XRN1: variants seen among roughly 807,000 people sequenced by gnomAD.
XRN1 encodes 5'-3' exoribonuclease 1.
In XRN1, 67 loss-of-function variants were observed where a neutral mutation model predicts 222.3. That is an observed-to-expected ratio of 0.30 (90% CI 0.25 to 0.37). The LOEUF (loss-of-function observed/expected upper bound fraction) is 0.37, where lower values mean the gene tolerates loss of function less well. XRN1 is among the 10% of genes least tolerant of loss of function. The pLI is 1.00. For missense variants in XRN1, 1,707 were observed against 2,000.2 expected, an observed-to-expected ratio of 0.85 and a Z score of 2.80; for synonymous variants, 643 against 652.4, an observed-to-expected ratio of 0.99 and a Z score of 0.22.
At chr3:142,412,694 T>C (rs899877648) in intron 14 of XRN1, 31 bp from the exon 15 acceptor site, 1 of 1,424,742 alleles carries the variant, frequency 7.0e-7, no homozygotes, top group Admixed American at 1.9e-5. Flanking sequence ...ATAATAGAAA[T>C]ATAAGAACTA....
intron 39 of XRN1, among the ~76,000 whole-genome samples, chr3:142,314,554 T>C (rs1373608757): frequency 6.6e-6 from 1 of 152,128 alleles, no homozygotes; most frequent in Non-Finnish European, 1.5e-5. Flanking sequence ...ACGGTGATAC[T>C]ATTACATTGA....
At chr3:142,355,545 A>T in intron 31 of XRN1, 49 bp from the exon 32 acceptor site, 1 of 1,174,840 alleles carries the variant, frequency 8.5e-7, no homozygotes, top group Non-Finnish European at 1.2e-6. Flanking sequence ...GGAAGAAATA[A>T]AAATACATAT....
At chr3:142,444,824 T>C (rs115870846) in intron 1 of XRN1, among the ~76,000 whole-genome samples, 7 of 148,938 alleles carry the variant, frequency 4.7e-5, no homozygotes, top group African/African-American at 9.9e-5. Flanking sequence ...CATAAGTATA[T>C]ACACTATGTT....
chr3:142,360,238 T>C (rs2066577747), intron 29 of XRN1, among the ~76,000 whole-genome samples: 1 of 152,204 alleles, frequency 6.6e-6, no homozygotes. Context: ...CTATGAATAA[T>C]ACATAGTATT....
chr3:142,316,214 C>CTTTTTTT (rs377522108), intron 39 of XRN1, among the ~76,000 whole-genome samples: 27 of 111,840 alleles, frequency 2.4e-4, no homozygotes, highest in African/African-American at 7.8e-4. Context: ...TCATTATCTT[C>CTTTTTTT]TTTTTTTTTT....
intron 34 of XRN1, among the ~76,000 whole-genome samples, chr3:142,333,454 C>A (rs1213112915): frequency 1.3e-5 from 2 of 152,030 alleles, no homozygotes; most frequent in African/African-American, 4.8e-5. Flanking sequence ...ATTTTATGTG[C>A]TATTTTCCCT....
chr3:142,370,703 C>T, intron 26 of XRN1, 83 bp from the exon 27 acceptor site: 2 of 1,185,876 alleles, frequency 1.7e-6, no homozygotes, highest in South Asian at 1.8e-5. Context: ...ACTTATATAA[C>T]TAATAATTAG....
At position 142,308,714 on chromosome 3, in the gene XRN1, T is replaced by C. The variant is rs576625610; in HGVS notation, c.*2797A>G. On this transcript the variant is annotated 3_prime_UTR_variant, in exon 41 of 41. Transcript: ENST00000392981. ...AGTTGCTCAAAAAAGAAAAAACTTA[T>C]TGAATAGAAATATTTAGAAATAATG... The C allele has an allele frequency of 6.6e-6, 1 of 152,306 alleles. No homozygotes were observed. Among genetic ancestry groups the C allele is most frequent in the Non-Finnish European group, 1.5e-5 (1 of 68,022 alleles). 9.4% of individuals were successfully genotyped at this position (152,306 alleles called of 1,614,324 possible). A position where few individuals can be genotyped will look rare whatever the true frequency, so the allele number is the denominator to read the frequency against.
In XRN1 at chr3:142,380,176, T is replaced by C. The variant is rs1032469021; in HGVS notation, c.2621A>G (p.Gln874Arg). 6.2e-7 allele frequency: 1 copy of C among 1,613,172 alleles called. No individual in the cohort carries two copies. Among genetic ancestry groups the C allele is most frequent in the Non-Finnish European group, 8.5e-7 (1 of 1,179,606 alleles). ...TTCTGTAATCACATCACCTGAATCCTGAACCTTAGAAGAAAAAAAAATCAC... is the reference window on the plus strand; with the variant it reads ...TTCTGTAATCACATCACCTGAATCCCGAACCTTAGAAGAAAAAAAAATCAC... ...TPYYGCTGEV[Q>R]DSGDVITEGR... The change falls in exon 23 of 41, where the codon CAG (glutamine) becomes CGG (arginine). Residue 874 changes from glutamine (Q) to arginine (R), a missense_variant. By Grantham distance (43) the Gln-to-Arg change is conservative. This residue lies in a region of XRN1 where 1,234 missense variants were observed against 1,518.2 expected (regional missense o/e 0.81). Coordinates refer to ENST00000392981, the MANE Select transcript of XRN1 (RefSeq NM_001282857.2).
chr3:142,377,977 C>T (rs1283375232), intron 23 of XRN1, among the ~76,000 whole-genome samples: 3 of 152,216 alleles, frequency 2.0e-5, no homozygotes, highest in East Asian at 3.9e-4. Context: ...GGATGACTGC[C>T]TTCCATACAT....
At chr3:142,364,965 T>C in intron 29 of XRN1, 82 bp downstream of exon 29, 3 of 1,397,100 alleles carry the variant, frequency 2.1e-6, no homozygotes, top group East Asian at 5.1e-5. Context: ...CACTTTCTGG[T>C]TAGATATAAA....
chr3:142,394,176 A>G (rs1272507871), intron 20 of XRN1, among the ~76,000 whole-genome samples: 2 of 151,998 alleles, frequency 1.3e-5, no homozygotes, highest in African/African-American at 4.8e-5. Flanking sequence ...TTCTCCCTCT[A>G]TCCCACTTAG....
At chr3:142,422,473 G>A in intron 8 of XRN1, 109 bp downstream of exon 8, 6 of 1,175,920 alleles carry the variant, frequency 5.1e-6, no homozygotes, top group South Asian at 4.1e-5. Context: ...AATCCTCAAT[G>A]TTTTTCTGCT....
intron 32 of XRN1, 50 bp from the exon 33 acceptor site, chr3:142,347,392 ACTT>A (rs745836499): frequency 1.6e-4 from 175 of 1,113,568 alleles, no homozygotes; most frequent in South Asian, 3.6e-4. Context: ...TATTATAACT[ACTT>A]CTTATCTTCA....
chr3:142,337,066 TATAG>T (rs779970149), intron 33 of XRN1, among the ~76,000 whole-genome samples: 11 of 152,080 alleles, frequency 7.2e-5, no homozygotes, highest in South Asian at 2.1e-4. Context: ...ACCTATAATA[TATAG>T]ATAAATAAAA....
At chr3:142,379,653 C>T (rs986742036) in intron 23 of XRN1, among the ~76,000 whole-genome samples, 3 of 152,150 alleles carry the variant, frequency 2.0e-5, no homozygotes, top group Admixed American at 6.5e-5. Flanking sequence ...ATGCATTTTT[C>T]CAATATTCTT....
chr3:142,343,120 G>T (rs1218040331), intron 33 of XRN1, among the ~76,000 whole-genome samples: 1 of 152,000 alleles, frequency 6.6e-6, no homozygotes, highest in East Asian at 1.9e-4. Flanking sequence ...CAAAAGCTTC[G>T]AATAGACTTT....
At chr3:142,398,666 C>G (rs2068019047) in intron 19 of XRN1, among the ~76,000 whole-genome samples, 1 of 152,016 alleles carries the variant, frequency 6.6e-6, no homozygotes, top group African/African-American at 2.4e-5. Context: ...CACACCTGGC[C>G]CCTATAAAGT....
chr3:142,318,789 C>G lies in XRN1; in HGVS notation c.4518+1G>C. ...ATAGAGAAGTCATGGACAGTTCTTACCAACTGTTGTAAAGCAAAAAGTGCA... is the reference window on the plus strand; with the variant it reads ...ATAGAGAAGTCATGGACAGTTCTTAGCAACTGTTGTAAAGCAAAAAGTGCA... On this transcript the variant is annotated splice_donor_variant, in intron 38 of 40. Coordinates refer to ENST00000392981, the MANE Select transcript of XRN1 (RefSeq NM_001282857.2). LOFTEE classifies it high-confidence loss of function. 1 of 1,613,372 alleles carries G rather than the reference C, an allele frequency of 6.2e-7. No individual in the cohort carries two copies. The highest frequency in any genetic ancestry group is 8.5e-7 in the Non-Finnish European group (1 of 1,179,474).
Sources: gnomAD v4.1 joint callset for allele counts (sites outside exome capture counted in the v4.1 genomes callset) on GRCh38, gnomAD v4.1.1 for gene constraint, gnomAD v4.1.1 regional missense constraint, MANE v1.5 for transcripts, NCBI Gene and HGNC (gene_info 2026-07-23, HGNC 2026-07-21) for gene names.